The following EXOC6B variants were observed in gnomAD, a reference collection of about 807,000 sequenced individuals.
EXOC6B encodes SEC15 homolog B.
EXOC6B carries 54 observed loss-of-function variants against 113.5 expected under a neutral mutation model. The ratio of observed to expected loss-of-function variants is 0.48; its 90% confidence interval spans 0.38 to 0.60. The LOEUF (loss-of-function observed/expected upper bound fraction) is 0.60. Among genes scored for constraint, EXOC6B ranks in the 20% least tolerant of loss-of-function variants. The pLI is 0.00. For synonymous variants in EXOC6B, 357 were observed against 339.0 expected (o/e 1.05, Z -0.58); for missense variants, 797 against 977.5 (o/e 0.82, Z 2.46).
At chr2:72,538,483 T>C (rs576360229) in intron 8 of EXOC6B, among the ~76,000 whole-genome samples, 58 of 152,328 alleles carry the variant, frequency 3.8e-4, no homozygotes, top group African/African-American at 1.3e-3. Flanking sequence ...TATTTCAGTA[T>C]GCAAATCAAA....
intron 20 of EXOC6B, chr2:72,263,442 C>T (rs1683860891): frequency 6.6e-6 from 1 of 152,138 alleles, no homozygotes; most frequent in African/African-American, 2.4e-5. Context: ...ATTGTCCTTC[C>T]CCTCCTGCCA....
intron 7 of EXOC6B, among the ~76,000 whole-genome samples, chr2:72,561,706 T>C (rs559897090): frequency 6.6e-6 from 1 of 152,242 alleles, no homozygotes; most frequent in African/African-American, 2.4e-5. Flanking sequence ...TATCTGGGCA[T>C]ACTATTTAAA....
intron 11 of EXOC6B, among the ~76,000 whole-genome samples, chr2:72,506,281 C>T (rs989543838): frequency 1.3e-5 from 2 of 152,122 alleles, no homozygotes; most frequent in African/African-American, 2.4e-5. Context: ...GAAGATAAAA[C>T]TGCCTAGATA....
At chr2:72,624,676 T>C (rs1256361712) in intron 6 of EXOC6B, among the ~76,000 whole-genome samples, 1 of 151,988 alleles carries the variant, frequency 6.6e-6, no homozygotes, top group Non-Finnish European at 1.5e-5. Context: ...AGCCCACAAC[T>C]TCAAAGCTGC....
chr2:72,332,600 G>A (rs1457778366), intron 20 of EXOC6B, among the ~76,000 whole-genome samples: 1 of 152,056 alleles, frequency 6.6e-6, no homozygotes, highest in Non-Finnish European at 1.5e-5. Flanking sequence ...ATTGTCCTAA[G>A]GTGGAACTTG....
chr2:72,720,699 A>G (rs964558423), intron 5 of EXOC6B, among the ~76,000 whole-genome samples: 1 of 152,146 alleles, frequency 6.6e-6, no homozygotes, highest in South Asian at 2.1e-4. Context: ...GGTTGCAGTG[A>G]GCTGAGATCA....
chr2:72,331,481 G>A (rs943998719), intron 20 of EXOC6B, among the ~76,000 whole-genome samples: 1 of 152,012 alleles, frequency 6.6e-6, no homozygotes, highest in African/African-American at 2.4e-5. Context: ...TCAGCACTTG[G>A]TGTTTACATG....
intron 20 of EXOC6B, among the ~76,000 whole-genome samples, chr2:72,300,978 A>G (rs749327381): frequency 6.6e-6 from 1 of 152,132 alleles, no homozygotes; most frequent in Non-Finnish European, 1.5e-5. Context: ...CTATTCGGCC[A>G]TCTTGCCACC....
chr2:72,316,412 C>T (rs970870255), intron 20 of EXOC6B, among the ~76,000 whole-genome samples: 1 of 152,116 alleles, frequency 6.6e-6, no homozygotes, highest in Admixed American at 6.5e-5. Context: ...CAGGAACTGC[C>T]ACCTAAGTTC....
chr2:72,393,512 G>C (rs1466751932), intron 18 of EXOC6B, among the ~76,000 whole-genome samples: 3 of 152,174 alleles, frequency 2.0e-5, no homozygotes, highest in Admixed American at 2.0e-4. Context: ...CTTAGCAATA[G>C]TGTAATTTTA....
chr2:72,612,382 G>A (rs1365955903), intron 6 of EXOC6B, among the ~76,000 whole-genome samples: 1 of 152,046 alleles, frequency 6.6e-6, no homozygotes, highest in Non-Finnish European at 1.5e-5. Flanking sequence ...TTTGTATAAA[G>A]GTAGTATCCT....
chr2:72,593,266 G>A (rs1288463991), intron 6 of EXOC6B, among the ~76,000 whole-genome samples: 1 of 152,010 alleles, frequency 6.6e-6, no homozygotes, highest in Non-Finnish European at 1.5e-5. Context: ...TCTGAGTTCT[G>A]TAAACCATTA....
chr2:72,248,656 G>A (rs979127438), intron 20 of EXOC6B, among the ~76,000 whole-genome samples: 1 of 152,116 alleles, frequency 6.6e-6, no homozygotes, highest in Non-Finnish European at 1.5e-5. Context: ...CTTGTGTCTA[G>A]CAGAGTAAAT....
intron 6 of EXOC6B, among the ~76,000 whole-genome samples, chr2:72,678,266 C>T (rs1032273391): frequency 6.6e-6 from 1 of 152,192 alleles, no homozygotes; most frequent in African/African-American, 2.4e-5. Flanking sequence ...TGAAATGTGG[C>T]TCGCTAAACA....
intron 6 of EXOC6B, among the ~76,000 whole-genome samples, chr2:72,638,993 C>T (rs1198206244): frequency 6.6e-6 from 1 of 152,198 alleles, no homozygotes; most frequent in Non-Finnish European, 1.5e-5. Flanking sequence ...ATAGCTTCTA[C>T]ACTGGCAGAC....
At chr2:72,181,349 G>A (rs1678073536) in intron 21 of EXOC6B, among the ~76,000 whole-genome samples, 3 of 152,184 alleles carry the variant, frequency 2.0e-5, no homozygotes, top group African/African-American at 7.2e-5. Context: ...GGAAGAAGAA[G>A]GGGAAGTGAC....
At chr2:72,457,388 G>C (rs571267539) in intron 18 of EXOC6B, among the ~76,000 whole-genome samples, 1 of 152,226 alleles carries the variant, frequency 6.6e-6, no homozygotes, top group Admixed American at 6.6e-5. Context: ...CTAAGAGAAA[G>C]TAAGGCCAGG....
intron 18 of EXOC6B, among the ~76,000 whole-genome samples, chr2:72,431,943 C>T (rs1262519329): frequency 6.6e-6 from 1 of 152,118 alleles, no homozygotes. Context: ...TGACGGTTTC[C>T]CACTTCACCA....
At chr2:72,710,361 G>C (rs1189484224) in intron 6 of EXOC6B, among the ~76,000 whole-genome samples, 1 of 151,806 alleles carries the variant, frequency 6.6e-6, no homozygotes, top group Non-Finnish European at 1.5e-5. Context: ...TTTCACTGAA[G>C]TCAGGTTCAA....
Sources: allele counts gnomAD v4.1 joint callset (sites outside exome capture counted in the v4.1 genomes callset), GRCh38; gene constraint gnomAD v4.1.1; transcripts MANE v1.5; gene names NCBI Gene and HGNC (gene_info 2026-07-23, HGNC 2026-07-21).